Variants in CHST8 observed in about 807,000 individuals in gnomAD.
CHST8 encodes the protein GALNAC-4-ST1.
CHST8 carries 10 observed loss-of-function variants against 15.0 expected under a neutral mutation model. That is an observed-to-expected ratio of 0.67 (90% CI 0.41 to 1.13). The LOEUF is 1.13. Among genes scored for constraint, CHST8 ranks in the 50% most tolerant of loss-of-function variants. CHST8 has a pLI of 0.00. For synonymous variants in CHST8, 259 were observed against 256.6 expected, an observed-to-expected ratio of 1.01 and a Z score of -0.09; for missense variants, 634 against 608.2, an observed-to-expected ratio of 1.04 and a Z score of -0.45.
intron 2 of CHST8, among the ~76,000 whole-genome samples, chr19:33,680,752 G>A (rs539383396): frequency 6.6e-5 from 10 of 152,294 alleles, no homozygotes; most frequent in Non-Finnish European, 1.3e-4. Context: ...ACTTTAAAAT[G>A]TTTCTTATAC....
At chr19:33,675,211 ACCCCCAGCACAGAGCAT>A (rs1363127123) in intron 2 of CHST8, among the ~76,000 whole-genome samples, 1 of 151,662 alleles carries the variant, frequency 6.6e-6, no homozygotes, top group Non-Finnish European at 1.5e-5. Flanking sequence ...GGCCTGCACC[ACCCCCAGCACAGAGCAT>A]CCCCTCAGCC....
chr19:33,642,294 G>GC (rs57944703), intron 1 of CHST8, among the ~76,000 whole-genome samples: 5,800 of 150,862 alleles, frequency 0.038, 365 homozygotes, highest in African/African-American at 0.13. Flanking sequence ...GCAGCAGAGG[G>GC]CCCCCCCCCA....
At chr19:33,761,897 A>G (rs1599636028) in intron 3 of CHST8, among the ~76,000 whole-genome samples, 2 of 152,208 alleles carry the variant, frequency 1.3e-5, no homozygotes, top group Non-Finnish European at 2.9e-5. Flanking sequence ...AGGAAAGAAG[A>G]GGCATGATCT....
intron 1 of CHST8, among the ~76,000 whole-genome samples, chr19:33,664,348 A>C (rs150167703): frequency 0.071 from 10,664 of 151,168 alleles, 1,206 homozygotes; most frequent in African/African-American, 0.24. Context: ...GGTTAGTTAC[A>C]TATGTATACA....
intron 1 of CHST8, among the ~76,000 whole-genome samples, chr19:33,629,236 G>A (rs1286474747): frequency 6.6e-6 from 1 of 152,200 alleles, no homozygotes. Context: ...GCTGAGTGCT[G>A]CCCAGTGGTG....
intron 3 of CHST8, among the ~76,000 whole-genome samples, chr19:33,694,033 T>A (rs1973149038): frequency 6.8e-6 from 1 of 146,184 alleles, no homozygotes; most frequent in South Asian, 2.2e-4. Flanking sequence ...TTGATTGGTT[T>A]ATTCATAGAT....
chr19:33,766,735 G>A (rs1308688394), intron 3 of CHST8, among the ~76,000 whole-genome samples: 1 of 152,222 alleles, frequency 6.6e-6, no homozygotes, highest in Non-Finnish European at 1.5e-5. Context: ...CCCACCCCCA[G>A]TCGGGCCAGC....
chr19:33,640,372 A>G (rs1250674208), intron 1 of CHST8, among the ~76,000 whole-genome samples: 1 of 152,138 alleles, frequency 6.6e-6, no homozygotes, highest in Non-Finnish European at 1.5e-5. Flanking sequence ...ATGTGGTGGA[A>G]GCCATGGCTC....
chr19:33,633,626 G>C (rs1454458375), intron 1 of CHST8, among the ~76,000 whole-genome samples: 1 of 151,934 alleles, frequency 6.6e-6, no homozygotes, highest in Middle Eastern at 3.4e-3. Flanking sequence ...CTGAACTCCT[G>C]AGCTCAAGTG....
rs538640584 is a variant in CHST8, at chr19:33,757,849, G to A, written c.131-13564G>A. ...TGGGATTCCATGTGTGCACCACCAC[G>A]CCAGTATTATGCTCAAGTTTGACCC... On this transcript the variant is annotated intron_variant, in intron 3 of 4. Transcript: ENST00000650847. Among the ~76,000 whole-genome samples the A allele has an allele frequency of 7.2e-5, 11 of 152,192 alleles. No homozygotes were observed. The East Asian group carries it at 1.2e-3, about 16-fold the overall frequency.
chr19:33,703,043 GTCA>G (rs1973375500), intron 3 of CHST8, among the ~76,000 whole-genome samples: 1 of 152,190 alleles, frequency 6.6e-6, no homozygotes, highest in African/African-American at 2.4e-5. Context: ...TTCAGTGAGA[GTCA>G]CCTGGCATCA....
intron 3 of CHST8, among the ~76,000 whole-genome samples, chr19:33,699,110 GGGATGGGACCTCCAT>G (rs766333411): frequency 6.6e-5 from 10 of 152,294 alleles, no homozygotes; most frequent in Non-Finnish European, 1.3e-4. Flanking sequence ...ACATTGTCCT[GGGATGGGACCTCCAT>G]GCCTGGGTCC....
At chr19:33,669,509 T>C (rs1972707674) in intron 2 of CHST8, among the ~76,000 whole-genome samples, 1 of 152,184 alleles carries the variant, frequency 6.6e-6, no homozygotes, top group Non-Finnish European at 1.5e-5. Flanking sequence ...GGTTTTTATT[T>C]CTTCCTGCAA....
chr19:33,696,167 G>A (rs1457705394), intron 3 of CHST8, among the ~76,000 whole-genome samples: 1 of 152,108 alleles, frequency 6.6e-6, no homozygotes, highest in East Asian at 1.9e-4. Context: ...TGGGCACTTA[G>A]GTTGGTTCCG....
chr19:33,687,103 G>T (rs901924126), intron 2 of CHST8, among the ~76,000 whole-genome samples: 1 of 152,248 alleles, frequency 6.6e-6, no homozygotes, highest in African/African-American at 2.4e-5. Context: ...TGCCTGCCTT[G>T]TCAGCTGCTC....
intron 1 of CHST8, among the ~76,000 whole-genome samples, chr19:33,633,327 G>A (rs773501984): frequency 1.3e-5 from 2 of 152,166 alleles, no homozygotes; most frequent in African/African-American, 4.8e-5. Flanking sequence ...TTGGGTTAGA[G>A]TTTTTGGCTT....
At chr19:33,750,335 T>C (rs1974389340) in intron 3 of CHST8, among the ~76,000 whole-genome samples, 1 of 152,176 alleles carries the variant, frequency 6.6e-6, no homozygotes, top group Admixed American at 6.5e-5. Flanking sequence ...GTCACCAGCA[T>C]AGGCACACGC....
intron 1 of CHST8, among the ~76,000 whole-genome samples, chr19:33,639,210 G>A (rs1972246271): frequency 6.6e-6 from 1 of 152,058 alleles, no homozygotes; most frequent in African/African-American, 2.4e-5. Context: ...CAGGGGAGTG[G>A]CATGTAGAAA....
rs142503046 is a variant in CHST8, at chr19:33,703,747, C to A, written c.130+14356C>A. Among the ~76,000 whole-genome samples the A allele has an allele frequency of 2.0e-5, 3 of 152,374 alleles. No homozygotes were observed. The East Asian group carries it at 5.8e-4, about 29-fold the overall frequency. On this transcript the variant is annotated intron_variant, in intron 3 of 4. Coordinates refer to ENST00000650847, the MANE Select transcript of CHST8 (RefSeq NM_001127895.2). Reference sequence around the variant, plus strand: ...TCTCATTTAAGCCAAAAAAGCTTCACCATTATATGCCTGCTGATGTTTTCA... The same window carrying A: ...TCTCATTTAAGCCAAAAAAGCTTCAACATTATATGCCTGCTGATGTTTTCA...
Sources: allele counts gnomAD v4.1 joint callset (sites outside exome capture counted in the v4.1 genomes callset), GRCh38; gene constraint gnomAD v4.1.1; transcripts MANE v1.5; gene names NCBI Gene and HGNC (gene_info 2026-07-23, HGNC 2026-07-21).